Variants in CCDC30 observed in about 807,000 individuals in gnomAD.
CCDC30 encodes the protein coiled-coil domain-containing protein 30.
A neutral mutation model predicts 100.2 loss-of-function variants in CCDC30; 70 were observed. The ratio of observed to expected loss-of-function variants is 0.70; its 90% CI spans 0.58 to 0.85. CCDC30 has a LOEUF of 0.85. Among genes scored for constraint, CCDC30 ranks in the 40% least tolerant of loss-of-function variants. The pLI is 0.00. For synonymous variants in CCDC30, 233 were observed against 269.5 expected, an observed-to-expected ratio of 0.86 and a Z score of 1.33; for missense variants, 652 against 771.2, an observed-to-expected ratio of 0.85 and a Z score of 1.83.
chr1:42,457,611 G>A, the CCDC30 span: 1 of 484,826 alleles, frequency 2.1e-6, no homozygotes, highest in South Asian at 2.6e-5. Flanking sequence ...GTGAATCCTG[G>A]GGGAGTCGAT....
intron 4 of CCDC30, chr1:42,491,794 A>G: frequency 6.2e-6 from 2 of 321,434 alleles, no homozygotes; most frequent in South Asian, 3.7e-5. Context: ...GGAGCCGAAA[A>G]TAGAGTGGTT....
intron 6 of CCDC30, among the ~76,000 whole-genome samples, chr1:42,513,901 A>C (rs1644517059): frequency 6.6e-6 from 1 of 152,166 alleles, no homozygotes; most frequent in East Asian, 1.9e-4. Context: ...GCAAAGAAGT[A>C]GTAGGTCTGT....
Position 42,570,402 on chromosome 1 carries a change from T to C in CCDC30, c.636+3927T>C, listed in dbSNP as rs189925420. Among the ~76,000 whole-genome samples, 199 of 152,222 alleles carry C rather than the reference T, an allele frequency of 1.3e-3. 1 individual carries two copies. Among genetic ancestry groups the C allele is most frequent in the African/African-American group, 4.6e-3 (193 of 41,560 alleles). On this transcript the variant is annotated intron_variant, in intron 7 of 16. Transcript: ENST00000668663. The stretch of plus-strand genomic sequence containing the variant: ...AAAAAGAAACCAAAATACTAACTTA[T>C]TGCTTTTAAATCATTTTGTTATAAA...
At chr1:42,518,001 C>A (rs2148499454) in intron 6 of CCDC30, among the ~76,000 whole-genome samples, 1 of 152,110 alleles carries the variant, frequency 6.6e-6, no homozygotes, top group South Asian at 2.1e-4. Flanking sequence ...TGTTTTATTT[C>A]TGCAAAAAAT....
chr1:42,634,889 ACTTT>A (rs924929733), intron 11 of CCDC30, among the ~76,000 whole-genome samples: 3 of 152,082 alleles, frequency 2.0e-5, no homozygotes, highest in African/African-American at 7.2e-5. Context: ...CCACTAATCT[ACTTT>A]CTTTCTCTCT....
intron 7 of CCDC30, chr1:42,571,357 C>G (rs954482681): frequency 2.6e-5 from 4 of 151,718 alleles, no homozygotes; most frequent in African/African-American, 9.7e-5. Context: ...TAAGATTGTT[C>G]TTGAAAAATG....
intron 6 of CCDC30, chr1:42,539,213 A>G (rs751569777): frequency 6.2e-7 from 1 of 1,608,664 alleles, no homozygotes; most frequent in Admixed American, 1.7e-5. Flanking sequence ...TGCCTTTATA[A>G]TGAAGTTCAC....
At chr1:42,467,287 T>C (rs1464622099) in intron 1 of CCDC30, among the ~76,000 whole-genome samples, 3 of 152,206 alleles carry the variant, frequency 2.0e-5, no homozygotes, top group Admixed American at 1.3e-4. Flanking sequence ...TGAGAATGGA[T>C]TGGATGAGGG....
At chr1:42,644,837 C>A in intron 14 of CCDC30, 30 bp downstream of exon 18, 1 of 1,408,924 alleles carries the variant, frequency 7.1e-7, no homozygotes, top group South Asian at 1.2e-5. Flanking sequence ...TTGGGCCTGC[C>A]TTTAATGTGA....
upstream of CCDC30, chr1:42,459,679 T>A (rs1643352521): frequency 1.2e-6 from 2 of 1,614,172 alleles, no homozygotes; most frequent in Non-Finnish European, 1.7e-6. Context: ...ATAATTTCCT[T>A]TAAGTTGGAG....
chr1:42,522,208 A>G (rs922974679), intron 6 of CCDC30, among the ~76,000 whole-genome samples: 3 of 151,952 alleles, frequency 2.0e-5, no homozygotes, highest in African/African-American at 7.2e-5. Flanking sequence ...ATTTTTTTTA[A>G]TATTTTCAAT....
At chr1:42,457,275 G>A in the CCDC30 span, 650 of 1,614,124 alleles carry the variant, frequency 4.0e-4, 1 homozygote, top group African/African-American at 6.7e-3. Flanking sequence ...ACCTGGCTGC[G>A]GCTGTGTCAG....
chr1:42,487,035 T>C (rs1270077250), intron 3 of CCDC30, among the ~76,000 whole-genome samples: 2 of 148,830 alleles, frequency 1.3e-5, no homozygotes, highest in South Asian at 4.2e-4. Flanking sequence ...ACTTGCCACT[T>C]GGAAGGCTGA....
intron 6 of CCDC30, among the ~76,000 whole-genome samples, chr1:42,514,715 GA>G (rs1444964174): frequency 6.6e-6 from 1 of 152,084 alleles, no homozygotes; most frequent in African/African-American, 2.4e-5. Flanking sequence ...GTGCAATGGC[GA>G]GATCTCAGCT....
At chr1:42,646,304 A>T (rs1200584806) in exon 15 of CCDC30, 1 of 1,533,794 alleles carries the variant, frequency 6.5e-7, no homozygotes, top group South Asian at 1.2e-5. Flanking sequence ...AAGTGGAAAC[A>T]CTCTGAGCAG....
At chr1:42,636,740 G>C (rs529431743) in intron 11 of CCDC30, among the ~76,000 whole-genome samples, 142 of 152,154 alleles carry the variant, frequency 9.3e-4, no homozygotes, top group African/African-American at 3.3e-3. Context: ...GGCTGAGGCA[G>C]GCGGATCACA....
chr1:42,628,835 A>G (rs950668684), intron 11 of CCDC30, among the ~76,000 whole-genome samples: 2 of 152,208 alleles, frequency 1.3e-5, no homozygotes, highest in Non-Finnish European at 2.9e-5. Flanking sequence ...AAAGCAAACT[A>G]ATACACTATC....
At position 42,479,441 on chromosome 1, in the gene CCDC30, G is replaced by A. The variant is rs973801835; in HGVS notation, c.-91-1020G>A. 9.2e-5 allele frequency among the ~76,000 whole-genome samples: 14 copies of A among 151,932 alleles called. No homozygotes were observed. The South Asian group carries it at 1.9e-3, about 20-fold the overall frequency. Reference sequence around the variant, plus strand: ...AGATCAATGGAACTCTCAATAGAGAGTCCAGAAATAAGCCCACAAGTACAC... The same window carrying A: ...AGATCAATGGAACTCTCAATAGAGAATCCAGAAATAAGCCCACAAGTACAC... On this transcript the variant is annotated intron_variant, in intron 1 of 16. Transcript: ENST00000668663.
chr1:42,490,220 A>C (rs1477643089), exon 4 of CCDC30: 8 of 1,202,626 alleles, frequency 6.7e-6, no homozygotes, highest in Middle Eastern at 2.1e-4. Context: ...GGTAAAGCTG[A>C]AAGAAAATGG....
Sources: allele counts gnomAD v4.1 joint callset (sites outside exome capture counted in the v4.1 genomes callset), GRCh38; gene constraint gnomAD v4.1.1; transcripts MANE v1.5; gene names NCBI Gene and HGNC (gene_info 2026-07-23, HGNC 2026-07-21).